Variants in SRPRA observed in about 807,000 individuals in gnomAD.
SRPRA encodes the protein signal recognition particle receptor subunit alpha.
Under a neutral mutation model 61.1 loss-of-function variants are expected in SRPRA, and 30 were observed. That is an observed-to-expected ratio of 0.49 (90% CI 0.37 to 0.67). The LOEUF is 0.67. SRPRA is among the 30% of genes least tolerant of loss of function. The pLI is 0.00. For synonymous variants in SRPRA, 324 were observed against 299.7 expected, an observed-to-expected ratio of 1.08 and a Z score of -0.84; for missense variants, 759 against 828.4, an observed-to-expected ratio of 0.92 and a Z score of 1.03.
chr11:126,238,293 C>A, the SRPRA span, among the ~76,000 whole-genome samples: 1 of 152,030 alleles, frequency 6.6e-6, no homozygotes, highest in Admixed American at 6.6e-5. Flanking sequence ...ACCCAGGAGG[C>A]AGAGGTTGCA....
Position 126,264,807 on chromosome 11 carries a change from A to G in SRPRA, c.1525+152T>C. On this transcript the variant is annotated intron_variant, in intron 11 of 13. Coordinates refer to ENST00000332118, the MANE Select transcript of SRPRA (RefSeq NM_003139.4). This position sits in a 1 kb window ranked among gnomAD's most constrained non-coding sequence, Gnocchi z 5.0. Reference sequence around the variant, plus strand: ...TGCCTGCAACTACATCTGTTATCCAAAAGCAGAGCATGGCAAGTAACTGAT... The same window carrying G: ...TGCCTGCAACTACATCTGTTATCCAGAAGCAGAGCATGGCAAGTAACTGAT... 2 of 848,626 alleles carry G rather than the reference A, an allele frequency of 2.4e-6. No homozygotes were observed. The highest frequency in any genetic ancestry group is 2.7e-5 in the East Asian group (1 of 37,520). 52.6% of individuals were successfully genotyped at this position (848,626 alleles called of 1,614,324 possible).
downstream of SRPRA, chr11:126,262,268 G>C (rs1178571093): frequency 2.4e-6 from 2 of 842,562 alleles, no homozygotes; most frequent in African/African-American, 1.7e-5. Flanking sequence ...GGGCGGGGTA[G>C]AAGAGGGGGG....
At chr11:126,239,651 C>G in the SRPRA span, among the ~76,000 whole-genome samples, 10 of 152,112 alleles carry the variant, frequency 6.6e-5, no homozygotes, top group Non-Finnish European at 1.5e-5. Flanking sequence ...GTAGCTGGGA[C>G]TACAGGTGTG....
Position 126,264,997 on chromosome 11 carries a change from T to C in SRPRA, c.1487A>G (p.Lys496Arg), listed in dbSNP as rs781517426. Residue 496 changes from lysine (K) to arginine (R), a missense_variant, in exon 11 of 14, where the codon AAG becomes AGG. Coordinates refer to ENST00000332118, the MANE Select transcript of SRPRA (RefSeq NM_003139.4). This position sits in a 1 kb window ranked among gnomAD's most constrained non-coding sequence, Gnocchi z 5.0. ...TTCCATGGCAATGCCAGCAGCATCC[T>C]TGCCATAGCCCTTTTCAAACAACTG... ...MVQLFEKGYGKDAAGIAMEAI... is the reference protein window; with the variant it reads ...MVQLFEKGYGRDAAGIAMEAI... The C allele has an allele frequency of 1.2e-5, 20 of 1,614,054 alleles. No individual in the cohort carries two copies. The highest frequency in any genetic ancestry group is 1.5e-5 in the Non-Finnish European group (18 of 1,180,026).
chr11:126,254,170 C>T, the SRPRA span: 1 of 1,058,174 alleles, frequency 9.5e-7, no homozygotes, highest in Non-Finnish European at 1.3e-6. Context: ...TCAGGTTTTG[C>T]ATTCTTGTCC....
Position 126,263,792 on chromosome 11 carries a change from GC to G in SRPRA, c.*123del. ...GGAGTGGGGTTGGAAGGAGCCACAAGCCCCCTCACTCTGCCTTTGTACTACA... is the reference window on the plus strand; with the variant it reads ...GGAGTGGGGTTGGAAGGAGCCACAAGCCCCTCACTCTGCCTTTGTACTACA... On this transcript the variant is annotated 3_prime_UTR_variant, in exon 14 of 14. Transcript: ENST00000332118. The G allele has an allele frequency of 7.3e-7, 1 of 1,361,684 alleles. No individual in the cohort carries two copies. Among genetic ancestry groups the G allele is most frequent in the Non-Finnish European group, 1.0e-6 (1 of 1,000,668 alleles). 84.4% of individuals were successfully genotyped at this position (1,361,684 alleles called of 1,614,324 possible).
At chr11:126,254,795 C>G in the SRPRA span, among the ~76,000 whole-genome samples, 1 of 152,146 alleles carries the variant, frequency 6.6e-6, no homozygotes, top group East Asian at 1.9e-4. Context: ...CCACTGCACT[C>G]CAGCTTGGGT....
In SRPRA at chr11:126,264,117, T is replaced by C; in HGVS notation, c.1789-73A>G. ...TCACCCTCTCAGGAACAGGAAGCGC[T>C]GGAGCCAAGATTTCCTTGCAGCCTC... On this transcript the variant is annotated intron_variant, in intron 13 of 13. Transcript: ENST00000332118. The surrounding 1 kb of genome is among the most constrained non-coding windows in gnomAD (Gnocchi z 5.0). 6.2e-7 allele frequency: 1 copy of C among 1,612,550 alleles called. No homozygotes were observed. The highest frequency in any genetic ancestry group is 1.1e-5 in the South Asian group (1 of 90,928).
At chr11:126,248,145 C>T in the SRPRA span, among the ~76,000 whole-genome samples, 2 of 148,810 alleles carry the variant, frequency 1.3e-5, no homozygotes, top group South Asian at 4.2e-4. Flanking sequence ...GACTCTGTCT[C>T]AAGAAAAATA....
Position 126,266,086 on chromosome 11 carries a change from A to G in SRPRA, c.933-5T>C, listed in dbSNP as rs1379290396. 3.1e-6 allele frequency: 5 copies of G among 1,613,970 alleles called. No homozygotes were observed. Among genetic ancestry groups the G allele is most frequent in the Non-Finnish European group, 4.2e-6 (5 of 1,179,862 alleles). On this transcript the variant is annotated splice_region_variant and splice_polypyrimidine_tract_variant and intron_variant, in intron 7 of 13. Transcript: ENST00000332118. ...CCCAGTGTTCCCTTGGTCGCACTGCAGGGACAGGAGATTACACATACACAT... is the reference window on the plus strand; with the variant it reads ...CCCAGTGTTCCCTTGGTCGCACTGCGGGGACAGGAGATTACACATACACAT...
Position 126,264,627 on chromosome 11 carries a change from A to G in SRPRA, c.1526-88T>C, listed in dbSNP as rs1950770581. 3 of 1,474,236 alleles carry G rather than the reference A, an allele frequency of 2.0e-6. No individual in the cohort carries two copies. The highest frequency in any genetic ancestry group is 2.8e-6 in the Non-Finnish European group (3 of 1,084,784). 91.3% of individuals were successfully genotyped at this position (1,474,236 alleles called of 1,614,324 possible). A position where few individuals can be genotyped will look rare whatever the true frequency, so the allele number is the denominator to read the frequency against. On this transcript the variant is annotated intron_variant, in intron 11 of 13. Transcript: ENST00000332118. The surrounding 1 kb of genome is among the most constrained non-coding windows in gnomAD (Gnocchi z 5.0). ...CCTCTCAAAAAGTCCTAGTTTGACT[A>G]CCTGTTCACTGTCTTGGGCTCTGGA...
the SRPRA span, among the ~76,000 whole-genome samples, chr11:126,245,961 A>G: frequency 1.1e-4 from 17 of 150,706 alleles, no homozygotes; most frequent in African/African-American, 4.2e-4. Flanking sequence ...GCGCCATTGC[A>G]CTCCAGCCTG....
the SRPRA span, among the ~76,000 whole-genome samples, chr11:126,246,324 T>C: frequency 0.092 from 13,975 of 152,194 alleles, 1,900 homozygotes; most frequent in African/African-American, 0.3. Context: ...CAGGCCTATC[T>C]ACCGAGCCAG....
At chr11:126,261,718 G>T (rs80190007), downstream of SRPRA, among the ~76,000 whole-genome samples, 714 of 152,310 alleles carry the variant, frequency 4.7e-3, 4 homozygotes, top group African/African-American at 0.015. Flanking sequence ...GCTGGGTGTG[G>T]TGGCTCAGGC....
chr11:126,267,522 TG>T lies in SRPRA; in HGVS notation c.365+26del. 6.2e-7 allele frequency: 1 copy of T among 1,612,574 alleles called. No individual in the cohort carries two copies. Among genetic ancestry groups the T allele is most frequent in the Non-Finnish European group, 8.5e-7 (1 of 1,179,216 alleles). On this transcript the variant is annotated intron_variant, in intron 3 of 13. Coordinates refer to ENST00000332118, the MANE Select transcript of SRPRA (RefSeq NM_003139.4). This position sits in a 1 kb window ranked among gnomAD's most constrained non-coding sequence, Gnocchi z 4.2. ...AGGTCATCAAATCATGGAAATAAAT[TG>T]ATTTTAGAGAAGGCAGGTCTCTCAC...
intron 1 of SRPRA, 53 bp downstream of exon 1, chr11:126,268,635 T>C (rs1950875246): frequency 1.4e-6 from 2 of 1,480,382 alleles, no homozygotes; most frequent in Non-Finnish European, 1.9e-6. Flanking sequence ...AAGGGGACCA[T>C]GGATCGGGTC....
Position 126,263,962 on chromosome 11 carries a change from C to T in SRPRA, c.1871G>A (p.Arg624His), listed in dbSNP as rs762239532. The T allele has an allele frequency of 2.5e-6, 4 of 1,614,176 alleles. No homozygotes were observed. Among genetic ancestry groups the T allele is most frequent in the African/African-American group, 1.3e-5 (1 of 75,050 alleles). Residue 624 changes from arginine (R) to histidine (H), a missense_variant, in exon 14 of 14, where the codon CGC (arginine) becomes CAC (histidine). Physicochemically the swap from Arg to His is conservative, Grantham distance 29 (BLOSUM62 0). Transcript: ENST00000332118. ...CACCACAGCCTTGGCATTGAGGCTG[C>T]GTAGGTCACAGTAGGTCTGGCCGGT... ...VGTGQTYCDLRSLNAKAVVAA... is the reference protein window; with the variant it reads ...VGTGQTYCDLHSLNAKAVVAA...
the SRPRA span, chr11:126,241,293 C>T: frequency 2.7e-6 from 1 of 373,152 alleles, no homozygotes; most frequent in Non-Finnish European, 4.8e-6. Flanking sequence ...TTTATATGTA[C>T]AAATTACCAC....
At chr11:126,236,148 A>T in the SRPRA span, among the ~76,000 whole-genome samples, 3 of 152,156 alleles carry the variant, frequency 2.0e-5, no homozygotes, top group African/African-American at 4.8e-5. Flanking sequence ...CATCATCCTG[A>T]TAATTTCCTT....
Sources: allele counts gnomAD v4.1 joint callset (sites outside exome capture counted in the v4.1 genomes callset), GRCh38; gene constraint gnomAD v4.1.1; non-coding constraint Gnocchi (gnomAD v3.1); transcripts MANE v1.5; gene names NCBI Gene and HGNC (gene_info 2026-07-23, HGNC 2026-07-21).